LINGO2: variants seen among roughly 807,000 people sequenced by gnomAD.
LINGO2 encodes the protein leucine-rich repeat and immunoglobulin-like domain-containing nogo receptor-interacting protein 2.
LINGO2 carries 14 observed loss-of-function variants against 30.6 expected under a neutral mutation model. That is an observed-to-expected ratio of 0.46 (90% CI 0.30 to 0.72). LINGO2 has a LOEUF of 0.72. LINGO2 is among the 30% of genes least tolerant of loss of function. LINGO2 has a pLI of 0.07. For synonymous variants in LINGO2, 317 were observed against 288.5 expected (o/e 1.10, Z -1.00); for missense variants, 729 against 751.7 (o/e 0.97, Z 0.35).
At chr9:29,167,309 C>T in the LINGO2 span, among the ~76,000 whole-genome samples, 1 of 152,036 alleles carries the variant, frequency 6.6e-6, no homozygotes, top group Non-Finnish European at 1.5e-5. Flanking sequence ...TAAGAATATT[C>T]ATAATGCAGG....
intron 1 of LINGO2, among the ~76,000 whole-genome samples, chr9:28,498,623 G>A (rs927508646): frequency 1.4e-4 from 21 of 152,094 alleles, no homozygotes; most frequent in African/African-American, 4.6e-4. Context: ...GCTATGCCTC[G>A]TCCTGCTTCC....
chr9:28,397,970 G>C (rs1026660598), intron 2 of LINGO2, among the ~76,000 whole-genome samples: 3 of 152,110 alleles, frequency 2.0e-5, no homozygotes, highest in African/African-American at 7.2e-5. Context: ...TACTCCAATA[G>C]GCTTTAATAA....
intron 5 of LINGO2, among the ~76,000 whole-genome samples, chr9:27,968,198 C>T (rs556919022): frequency 7.0e-4 from 106 of 152,134 alleles, no homozygotes; most frequent in African/African-American, 2.5e-3. Context: ...AAACTCTGTC[C>T]AGTAAACAAA....
intron 4 of LINGO2, among the ~76,000 whole-genome samples, chr9:28,189,513 G>A (rs1174897238): frequency 6.7e-3 from 56 of 8,338 alleles, no homozygotes; most frequent in African/African-American, 8.2e-3. Flanking sequence ...GGAAGGAAGG[G>A]AGGGAGGAAG....
At chr9:28,618,631 C>G (rs1374090258) in intron 1 of LINGO2, among the ~76,000 whole-genome samples, 1 of 152,126 alleles carries the variant, frequency 6.6e-6, no homozygotes, top group Non-Finnish European at 1.5e-5. Context: ...CAGTTTCTTT[C>G]TATAACATTC....
At chr9:28,638,507 G>A (rs1448004489) in intron 1 of LINGO2, among the ~76,000 whole-genome samples, 1 of 152,040 alleles carries the variant, frequency 6.6e-6, no homozygotes, top group African/African-American at 2.4e-5. Context: ...GCCTGTTATT[G>A]GTCTATTCAG....
chr9:28,318,774 G>A (rs1332825753), intron 3 of LINGO2, among the ~76,000 whole-genome samples: 2 of 152,146 alleles, frequency 1.3e-5, no homozygotes, highest in Admixed American at 1.3e-4. Context: ...TATTGGAAAT[G>A]CTTATTACTA....
intron 2 of LINGO2, among the ~76,000 whole-genome samples, chr9:28,445,296 G>A (rs1231758940): frequency 6.6e-6 from 1 of 152,270 alleles, no homozygotes; most frequent in Admixed American, 6.5e-5. Flanking sequence ...TAGTTGCCAT[G>A]TTCCTCACAT....
At chr9:27,964,478 T>C (rs1315654119) in intron 5 of LINGO2, among the ~76,000 whole-genome samples, 1 of 152,116 alleles carries the variant, frequency 6.6e-6, no homozygotes, top group East Asian at 1.9e-4. Flanking sequence ...TGTGAGATTC[T>C]ATCTGTATAA....
At chr9:29,089,833 G>C in the LINGO2 span, among the ~76,000 whole-genome samples, 4 of 151,980 alleles carry the variant, frequency 2.6e-5, no homozygotes, top group African/African-American at 9.7e-5. Context: ...ATCATTATCT[G>C]ATGATTCCTA....
the LINGO2 span, among the ~76,000 whole-genome samples, chr9:28,922,984 G>T: frequency 6.6e-6 from 1 of 152,086 alleles, no homozygotes; most frequent in African/African-American, 2.4e-5. Context: ...TGAATACAAC[G>T]CAAGGATTGA....
chr9:28,411,223 G>A (rs1040558719), intron 2 of LINGO2, among the ~76,000 whole-genome samples: 4 of 151,984 alleles, frequency 2.6e-5, no homozygotes, highest in African/African-American at 9.7e-5. Flanking sequence ...CAACTCCAGA[G>A]CAAAGTGATA....
intron 5 of LINGO2, among the ~76,000 whole-genome samples, chr9:27,970,302 G>T (rs908413824): frequency 1.3e-5 from 2 of 152,082 alleles, no homozygotes; most frequent in Non-Finnish European, 1.5e-5. Flanking sequence ...GTCATTGGCT[G>T]GTTTTTCCCT....
intron 1 of LINGO2, among the ~76,000 whole-genome samples, chr9:28,668,206 G>C (rs568947556): frequency 6.6e-6 from 1 of 152,134 alleles, no homozygotes; most frequent in Admixed American, 6.5e-5. Flanking sequence ...TACCCGAGGT[G>C]GAGTGGTAGT....
At chr9:28,308,602 G>A (rs953635852) in intron 3 of LINGO2, among the ~76,000 whole-genome samples, 1 of 146,832 alleles carries the variant, frequency 6.8e-6, no homozygotes. Context: ...AAACTAAAGA[G>A]CTTCTGCACA....
intron 1 of LINGO2, among the ~76,000 whole-genome samples, chr9:28,666,131 A>G (rs2136027638): frequency 6.6e-6 from 1 of 152,136 alleles, no homozygotes; most frequent in Middle Eastern, 3.4e-3. Context: ...ACCTCAGGTG[A>G]TCGACCCTCC....
chr9:28,563,524 A>C (rs1436602952), intron 1 of LINGO2, among the ~76,000 whole-genome samples: 2 of 152,194 alleles, frequency 1.3e-5, no homozygotes, highest in Non-Finnish European at 2.9e-5. Context: ...ATAGAAACAC[A>C]TGTAATCTCA....
the LINGO2 span, among the ~76,000 whole-genome samples, chr9:28,714,164 A>AATCTATCT: frequency 8.5e-6 from 1 of 117,158 alleles, no homozygotes; most frequent in African/African-American, 3.3e-5. Flanking sequence ...TGCCTCAAAT[A>AATCTATCT]ATATATATAT....
At chr9:29,189,341 G>A in the LINGO2 span, among the ~76,000 whole-genome samples, 1 of 151,548 alleles carries the variant, frequency 6.6e-6, no homozygotes, top group Non-Finnish European at 1.5e-5. Flanking sequence ...CAGACGGGGT[G>A]GCTGCCGGAT....
Sources: gnomAD v4.1 joint callset for allele counts (sites outside exome capture counted in the v4.1 genomes callset) on GRCh38, gnomAD v4.1.1 for gene constraint, MANE v1.5 for transcripts, NCBI Gene and HGNC (gene_info 2026-07-23, HGNC 2026-07-21) for gene names.